ATP2A2: variants seen among roughly 807,000 people sequenced by gnomAD.
The protein encoded by ATP2A2 is ATPase sarcoplasmic/endoplasmic reticulum Ca2+ transporting 2, also known as sarcoplasmic/endoplasmic reticulum calcium ATPase 2.
ATP2A2 carries 14 observed loss-of-function variants against 109.3 expected under a neutral mutation model. That is an observed-to-expected ratio of 0.13 (90% CI 0.08 to 0.20). The LOEUF is 0.20. ATP2A2 is among the 10% of genes least tolerant of loss of function. The pLI, the probability that ATP2A2 is intolerant of heterozygous loss-of-function variation, is 1.00. For synonymous variants in ATP2A2, 506 were observed against 490.9 expected, an observed-to-expected ratio of 1.03 and a Z score of -0.41; for missense variants, 657 against 1,321.6, an observed-to-expected ratio of 0.50 and a Z score of 7.80.
intron 4 of ATP2A2, among the ~76,000 whole-genome samples, chr12:110,293,556 A>G (rs532532202): frequency 6.6e-6 from 1 of 151,084 alleles, no homozygotes; most frequent in Non-Finnish European, 1.5e-5. Flanking sequence ...CACCATGCCC[A>G]GCTAACTTAC....
chr12:110,331,744 G>T (rs1168537044), intron 8 of ATP2A2: 1 of 152,168 alleles, frequency 6.6e-6, no homozygotes, highest in Non-Finnish European at 1.5e-5. Context: ...AGAAAATATA[G>T]TTTTGACATC....
At chr12:110,336,146 C>G (rs1298099924) in intron 11 of ATP2A2, among the ~76,000 whole-genome samples, 1 of 152,196 alleles carries the variant, frequency 6.6e-6, no homozygotes, top group African/African-American at 2.4e-5. Flanking sequence ...TCAGACCTAC[C>G]TGTCTGTCAT....
chr12:110,346,506 T>C lies in ATP2A2; in HGVS notation c.*36T>C. ...TCCATAAAGAAGATGTTTAACTTAA[T>C]CAATTAATTTTTTTATTGTTTAAAG... is the stretch of plus-strand genomic sequence containing the variant. On this transcript the variant is annotated 3_prime_UTR_variant, in exon 20 of 20. Transcript: ENST00000539276. The C allele has an allele frequency of 6.2e-7, 1 of 1,610,866 alleles. No individual in the cohort carries two copies. Among genetic ancestry groups the C allele is most frequent in the Non-Finnish European group, 8.5e-7 (1 of 1,178,964 alleles).
intron 5 of ATP2A2, among the ~76,000 whole-genome samples, chr12:110,316,294 A>G (rs780936395): frequency 5.3e-5 from 8 of 152,180 alleles, no homozygotes; most frequent in Admixed American, 1.3e-4. Context: ...CTAAAACTAC[A>G]GTCTTTCTTA....
intron 10 of ATP2A2, 92 bp downstream of exon 10, chr12:110,333,375 G>C: frequency 8.3e-7 from 1 of 1,206,946 alleles, no homozygotes; most frequent in Non-Finnish European, 1.2e-6. Context: ...CCTCCCTTTT[G>C]AAAGTCAAGG....
intron 3 of ATP2A2, among the ~76,000 whole-genome samples, chr12:110,288,215 A>G (rs1872866353): frequency 6.7e-6 from 1 of 150,328 alleles, no homozygotes; most frequent in South Asian, 2.1e-4. Context: ...GTTTCAAGCA[A>G]TCTTCCCGAG....
chr12:110,283,762 C>G (rs1872391510), intron 3 of ATP2A2, among the ~76,000 whole-genome samples: 1 of 152,080 alleles, frequency 6.6e-6, no homozygotes, highest in Non-Finnish European at 1.5e-5. Context: ...CTAGTTAAAA[C>G]AAAATTGACA....
At position 110,346,747 on chromosome 12, in the gene ATP2A2, T is replaced by C; in HGVS notation, c.*277T>C. Reference sequence around the variant, plus strand: ...GAAAAAGCATGTACAGTGTTCTGTTTAATACTCATCCTTGTATAAAAAAAA... The same window carrying C: ...GAAAAAGCATGTACAGTGTTCTGTTCAATACTCATCCTTGTATAAAAAAAA... On this transcript the variant is annotated 3_prime_UTR_variant, in exon 20 of 20. Transcript: ENST00000539276. 7.8e-7 allele frequency: 1 copy of C among 1,277,218 alleles called. No individual in the cohort carries two copies. Among genetic ancestry groups the C allele is most frequent in the Non-Finnish European group, 9.9e-7 (1 of 1,007,368 alleles). 79.1% of individuals were successfully genotyped at this position (1,277,218 alleles called of 1,614,324 possible). A position where few individuals can be genotyped will look rare whatever the true frequency, so the allele number is the denominator to read the frequency against.
rs1879921178 is a variant in ATP2A2 at position 110,346,906 on chromosome 12, TCA to T, written c.*439_*440del. 2 of 1,090,852 alleles carry T rather than the reference TCA, an allele frequency of 1.8e-6. No individual in the cohort carries two copies. Among genetic ancestry groups the T allele is most frequent in the Non-Finnish European group, 1.1e-6 (1 of 894,438 alleles). 67.6% of individuals were successfully genotyped at this position (1,090,852 alleles called of 1,614,324 possible). On this transcript the variant is annotated 3_prime_UTR_variant, in exon 20 of 20. Transcript: ENST00000539276. ...ATGATGATCCGGATTTAATTTGATA[TCA>T]CAGTCTAATTTTTATTCATAAGCCA...
At position 110,348,811 on chromosome 12, in the gene ATP2A2, A is replaced by G. The variant is rs1880128555; in HGVS notation, c.*2341A>G. On this transcript the variant is annotated 3_prime_UTR_variant, in exon 20 of 20. Coordinates refer to ENST00000539276, the MANE Select transcript of ATP2A2 (RefSeq NM_170665.4). ...CAGGGAACATTTGGGGCAGGGGGTA[A>G]ATTTTGCCAGTTTGAGCATCATGAG... 3 of 985,392 alleles carry G rather than the reference A, an allele frequency of 3.0e-6. No individual in the cohort carries two copies. The highest frequency in any genetic ancestry group is 2.3e-4 in the East Asian group (2 of 8,824). 61.0% of individuals were successfully genotyped at this position (985,392 alleles called of 1,614,324 possible).
intron 5 of ATP2A2, among the ~76,000 whole-genome samples, chr12:110,302,946 T>C (rs187110765): frequency 6.6e-6 from 1 of 152,306 alleles, no homozygotes; most frequent in Non-Finnish European, 1.5e-5. Flanking sequence ...GGCTCTTAAG[T>C]GCTGCTTGCT....
chr12:110,343,209 C>T, intron 15 of ATP2A2, 23 bp from the exon 16 acceptor site: 2 of 1,612,210 alleles, frequency 1.2e-6, no homozygotes, highest in Non-Finnish European at 1.7e-6. Flanking sequence ...CTCTCTTTGT[C>T]TTCTTTTCTT....
rs544475857 is a variant in ATP2A2 at position 110,349,264 on chromosome 12, G to C, written c.*2794G>C. 15 of 985,576 alleles carry C rather than the reference G, an allele frequency of 1.5e-5. No individual in the cohort carries two copies. The South Asian group carries it at 2.3e-4, about 15-fold the overall frequency. 61.1% of individuals were successfully genotyped at this position (985,576 alleles called of 1,614,324 possible). On this transcript the variant is annotated 3_prime_UTR_variant, in exon 20 of 20. Transcript: ENST00000539276. ...TGGTCTTGGCACATCCCTGGCCTCA[G>C]GCCCTCACCTAACAGTGAGGCAGCA...
At position 110,349,308 on chromosome 12, in the gene ATP2A2, G is replaced by A. The variant is rs770949718; in HGVS notation, c.*2838G>A. ...GGCAGCAGCTGCCCAGCCCCGCAAT[G>A]TGCCTGCTGTCAGGCAGCTCTTGCC... On this transcript the variant is annotated 3_prime_UTR_variant, in exon 20 of 20. Coordinates refer to ENST00000539276, the MANE Select transcript of ATP2A2 (RefSeq NM_170665.4). 1.0e-6 allele frequency: 1 copy of A among 985,394 alleles called. No homozygotes were observed. The highest frequency in any genetic ancestry group is 1.2e-6 in the Non-Finnish European group (1 of 830,014). The allele number at this position is 985,394 out of a possible 1,614,324, so 61.0% of individuals were successfully genotyped here.
chr12:110,332,513 G>C (rs977882701), intron 8 of ATP2A2, 84 bp from the exon 9 acceptor site: 4 of 1,186,342 alleles, frequency 3.4e-6, no homozygotes, highest in African/African-American at 1.5e-5. Context: ...GTTTGCCTTT[G>C]TCCTAAGCTA....
In ATP2A2 at chr12:110,342,623, G is replaced by A. The variant is rs3026481; in HGVS notation, c.2318+175G>A. 7.0e-4 allele frequency among the ~76,000 whole-genome samples: 107 copies of A among 152,220 alleles called. No homozygotes were observed. Among genetic ancestry groups the A allele is most frequent in the African/African-American group, 2.4e-3 (98 of 41,532 alleles). On this transcript the variant is annotated intron_variant, in intron 15 of 19. Transcript: ENST00000539276. This position sits in a 1 kb window ranked among gnomAD's most constrained non-coding sequence, Gnocchi z 4.6. ...TGGAAGCAGTGGTGCTTTGGCCCTC[G>A]GGAGGGTTGTCTGCAGCTGCCCCAA...
At chr12:110,317,673 C>T (rs1000789102) in intron 5 of ATP2A2, among the ~76,000 whole-genome samples, 4 of 151,966 alleles carry the variant, frequency 2.6e-5, no homozygotes, top group Non-Finnish European at 4.4e-5. Context: ...CCACCATGCC[C>T]GGCTTGAATA....
chr12:110,334,188 G>C, intron 11 of ATP2A2, 45 bp downstream of exon 11: 1 of 1,608,800 alleles, frequency 6.2e-7, no homozygotes. Flanking sequence ...CTTATCAGTC[G>C]TACTATATAT....
At chr12:110,337,616 C>G (rs141510570) in intron 11 of ATP2A2, among the ~76,000 whole-genome samples, 7 of 152,194 alleles carry the variant, frequency 4.6e-5, no homozygotes, top group Admixed American at 4.6e-4. Context: ...TCAGTCCTCC[C>G]GTAGCTTCCT....
Sources: gnomAD v4.1 joint callset for allele counts (sites outside exome capture counted in the v4.1 genomes callset) on GRCh38, gnomAD v4.1.1 for gene constraint, Gnocchi (gnomAD v3.1) non-coding constraint, MANE v1.5 for transcripts, NCBI Gene and HGNC (gene_info 2026-07-23, HGNC 2026-07-21) for gene names.